ZNF529: variants seen among roughly 807,000 people sequenced by gnomAD.
ZNF529 encodes the protein zinc finger protein 529.
In ZNF529, 11 loss-of-function variants were observed where a neutral mutation model predicts 10.1. The ratio of observed to expected loss-of-function variants is 1.09; its 90% confidence interval spans 0.69 to 1.81. The LOEUF (loss-of-function observed/expected upper bound fraction) is 1.81, where lower values mean the gene tolerates loss of function less well. ZNF529 is among the 40% of genes most tolerant of loss of function. The pLI, the probability that ZNF529 is intolerant of heterozygous loss-of-function variation, is 0.00. For synonymous variants in ZNF529, 204 were observed against 215.7 expected, an observed-to-expected ratio of 0.95 and a Z score of 0.47; for missense variants, 624 against 666.8, an observed-to-expected ratio of 0.94 and a Z score of 0.71.
upstream of ZNF529, chr19:36,577,161 CAT>C (rs754881794): frequency 2.2e-6 from 1 of 453,342 alleles, no homozygotes; most frequent in South Asian, 1.6e-5. Context: ...GGTTTCGCCA[CAT>C]TGACTGGGCT....
At chr19:36,579,760 T>A (rs998760747) in intron 2 of ZNF529, among the ~76,000 whole-genome samples, 5 of 152,226 alleles carry the variant, frequency 3.3e-5, no homozygotes, top group Admixed American at 6.5e-5. Flanking sequence ...GAGTGAGTTG[T>A]GAGAGAATGC....
chr19:36,566,478 A>C (rs2035901184), intron 2 of ZNF529, among the ~76,000 whole-genome samples: 1 of 152,032 alleles, frequency 6.6e-6, no homozygotes, highest in African/African-American at 2.4e-5. Context: ...GCTTGAGCCC[A>C]GGAGTTCAAG....
In ZNF529 at chr19:36,554,711, C is replaced by T. The variant is rs1291367741; in HGVS notation, c.194G>A (p.Trp65Ter). 6.3e-7 allele frequency: 1 copy of T among 1,575,772 alleles called. No individual in the cohort carries two copies. The highest frequency in any genetic ancestry group is 1.8e-5 in the Admixed American group (1 of 54,346). Residue 65 changes from tryptophan to a stop codon, truncating the protein, a stop_gained, in exon 4 of 5, where the codon TGG becomes TAG. Coordinates refer to ENST00000591340, the MANE Select transcript of ZNF529 (RefSeq NM_020951.5). LOFTEE classifies it low-confidence loss of function (END_TRUNC). ...GCTGTAGTTCTCCATCATCACATCCCAGTACAAGTTCCTCTGAGCAGAATC... is the reference window on the plus strand; with the variant it reads ...GCTGTAGTTCTCCATCATCACATCCTAGTACAAGTTCCTCTGAGCAGAATC... ...YLDSAQRNLY[W>*]DVMMENYSNL... is the part of the protein sequence containing the mutation.
At chr19:36,585,887 G>A (rs2036569505) in intron 2 of ZNF529, among the ~76,000 whole-genome samples, 1 of 152,196 alleles carries the variant, frequency 6.6e-6, no homozygotes, top group Non-Finnish European at 1.5e-5. Context: ...AGTAACTATG[G>A]ATCTCTAAGC....
At position 36,546,944 on chromosome 19, in the gene ZNF529, C is replaced by G. The variant is rs2035047173; in HGVS notation, c.1614G>C (p.Glu538Asp). The G allele has an allele frequency of 1.9e-6, 3 of 1,613,880 alleles. No individual in the cohort carries two copies. Among genetic ancestry groups the G allele is most frequent in the Middle Eastern group, 1.7e-4 (1 of 6,046 alleles). Reference protein sequence around the residue: ...HTDDKPYECKECGNSFSVVGH... With the variant: ...HTDDKPYECKDCGNSFSVVGH... ...CAACAACACTAAAGGAATTCCCACA[C>G]TCCTTACATTCATAGGGTTTATCAT... The change falls in exon 5 of 5, where the codon GAG (glutamate) becomes GAC (aspartate). Residue 538 changes from glutamate (E) to aspartate (D), a missense_variant. Physicochemically the swap from Glu to Asp is conservative, Grantham distance 45. Coordinates refer to ENST00000591340, the MANE Select transcript of ZNF529 (RefSeq NM_020951.5).
intron 4 of ZNF529, among the ~76,000 whole-genome samples, chr19:36,550,664 C>T (rs182039269): frequency 3.3e-5 from 5 of 152,046 alleles, no homozygotes; most frequent in East Asian, 1.9e-4. Context: ...ATCTATGGAA[C>T]GCAAATACAT....
intron 2 of ZNF529, among the ~76,000 whole-genome samples, chr19:36,578,526 C>T (rs1349624604): frequency 3.3e-5 from 5 of 150,978 alleles, no homozygotes; most frequent in Admixed American, 6.6e-5. Context: ...AGGATGGTCT[C>T]GATCTCCTGA....
intron 2 of ZNF529, among the ~76,000 whole-genome samples, chr19:36,586,154 T>C (rs924208978): frequency 2.0e-5 from 3 of 152,222 alleles, no homozygotes; most frequent in Non-Finnish European, 4.4e-5. Flanking sequence ...GCAATATGTA[T>C]TGAGCTTTTC....
chr19:36,580,029 GTTT>G (rs1218659190), intron 2 of ZNF529, among the ~76,000 whole-genome samples: 1 of 151,570 alleles, frequency 6.6e-6, no homozygotes, highest in Non-Finnish European at 1.5e-5. Context: ...AAATTTTTTT[GTTT>G]TAAAAATGTT....
intron 1 of ZNF529, among the ~76,000 whole-genome samples, chr19:36,590,127 C>T (rs958263390): frequency 3.3e-5 from 5 of 152,082 alleles, no homozygotes; most frequent in African/African-American, 4.8e-5. Flanking sequence ...CCAGCACTTT[C>T]GGAGGCCAAG....
chr19:36,561,530 G>C (rs540324454), intron 2 of ZNF529, among the ~76,000 whole-genome samples: 4 of 152,074 alleles, frequency 2.6e-5, no homozygotes, highest in African/African-American at 9.7e-5. Flanking sequence ...TTACAGGCAC[G>C]TGATGCCTTG....
Position 36,547,291 on chromosome 19 carries a change from T to A in ZNF529, c.1267A>T (p.Lys423Ter), listed in dbSNP as rs1376217616. 6.2e-7 allele frequency: 1 copy of A among 1,613,648 alleles called. No individual in the cohort carries two copies. Among genetic ancestry groups the A allele is most frequent in the Non-Finnish European group, 8.5e-7 (1 of 1,179,842 alleles). The change falls in exon 5 of 5, where the codon AAA (lysine) becomes TAA (stop). Residue 423 changes from lysine (K) to a stop codon, truncating the protein, a stop_gained. Coordinates refer to ENST00000591340, the MANE Select transcript of ZNF529 (RefSeq NM_020951.5). LOFTEE classifies it low-confidence loss of function (END_TRUNC). ...AATGCTTTCTCACATTCTTTACATT[T>A]ATAGGGTTTTTCACCAGTATGAATC... ...QRIHTGEKPY[K>*]CKECEKAFGV...
At chr19:36,562,631 C>T (rs751842564) in intron 2 of ZNF529, among the ~76,000 whole-genome samples, 8 of 151,492 alleles carry the variant, frequency 5.3e-5, no homozygotes, top group Non-Finnish European at 1.0e-4. Context: ...GTCAGGAAAT[C>T]GAGACCATCC....
rs2145786367 is a variant in ZNF529 at position 36,548,037 on chromosome 19, T to G, written c.521A>C (p.Lys174Thr). Residue 174 changes from lysine to threonine, a missense_variant, in exon 5 of 5, where the codon AAG (lysine) becomes ACG (threonine). Coordinates refer to ENST00000591340, the MANE Select transcript of ZNF529 (RefSeq NM_020951.5). ...ACAACTGAAGACCTTCTCATATTCC[T>G]TGTATTCATAGGGCTTCTCACTGTC... ...THDSEKPYEY[K>T]EYEKVFSCDL... The G allele has an allele frequency of 6.2e-7, 1 of 1,613,942 alleles. No individual in the cohort carries two copies. Among genetic ancestry groups the G allele is most frequent in the Non-Finnish European group, 8.5e-7 (1 of 1,179,874 alleles).
rs2034988081 is a variant in ZNF529 at position 36,545,836 on chromosome 19, A to G, written c.*1030T>C. The G allele has an allele frequency of 6.6e-6, 1 of 152,060 alleles. No homozygotes were observed. Among genetic ancestry groups the G allele is most frequent in the Non-Finnish European group, 1.5e-5 (1 of 68,006 alleles). The allele number at this position is 152,060 out of a possible 1,614,324, so 9.4% of individuals were successfully genotyped here. A position where few individuals can be genotyped will look rare whatever the true frequency, so the allele number is the denominator to read the frequency against. On this transcript the variant is annotated 3_prime_UTR_variant, in exon 5 of 5. Transcript: ENST00000591340. The stretch of plus-strand genomic sequence containing the variant: ...GGTGTTTGACAAATTTTAGAGTGAT[A>G]CTTTAAGAGAATGATAAATTTTAAG...
chr19:36,584,639 C>T (rs1428239729), intron 2 of ZNF529, among the ~76,000 whole-genome samples: 1 of 151,846 alleles, frequency 6.6e-6, no homozygotes, highest in Non-Finnish European at 1.5e-5. Context: ...TGGTGGCGCT[C>T]ACCTGTGATC....
chr19:36,591,071 G>C (rs1356359399), intron 1 of ZNF529, among the ~76,000 whole-genome samples: 2 of 151,840 alleles, frequency 1.3e-5, no homozygotes, highest in African/African-American at 4.8e-5. Context: ...CGAGGCCAAG[G>C]TGGGCAGGTC....
At chr19:36,595,846 T>G (rs977100091) in intron 1 of ZNF529, among the ~76,000 whole-genome samples, 2 of 152,106 alleles carry the variant, frequency 1.3e-5, no homozygotes, top group African/African-American at 4.8e-5. Flanking sequence ...TATACATATC[T>G]ATATAGAAGT....
chr19:36,591,494 C>T (rs538726705), intron 1 of ZNF529, among the ~76,000 whole-genome samples: 2 of 150,562 alleles, frequency 1.3e-5, no homozygotes, highest in Middle Eastern at 3.3e-3. Context: ...CCGAGGCGGG[C>T]GGATCACAAG....
Sources: allele counts gnomAD v4.1 joint callset (sites outside exome capture counted in the v4.1 genomes callset), GRCh38; gene constraint gnomAD v4.1.1; transcripts MANE v1.5; gene names NCBI Gene and HGNC (gene_info 2026-07-23, HGNC 2026-07-21).